The following UBAP1 variants were observed in gnomAD, a reference collection of about 807,000 sequenced individuals.
The protein encoded by UBAP1 is ubiquitin associated protein 1.
In UBAP1, 5 loss-of-function variants were observed where a neutral mutation model predicts 39.0. The observed-to-expected ratio is 0.13, with a 90% CI of 0.07 to 0.27. The LOEUF (loss-of-function observed/expected upper bound fraction) is 0.27, where lower values mean the gene tolerates loss of function less well. Ranked by LOEUF, UBAP1 falls within the 10% of genes least tolerant of loss-of-function variation. The pLI is 1.00. For missense variants in UBAP1, 490 were observed against 608.1 expected (o/e 0.81, Z 2.04); for synonymous variants, 211 against 225.1 (o/e 0.94, Z 0.56).
intron 2 of UBAP1, among the ~76,000 whole-genome samples, chr9:34,228,868 A>G (rs560006342): frequency 6.6e-6 from 1 of 151,882 alleles, no homozygotes; most frequent in South Asian, 2.1e-4. Flanking sequence ...GCTGTGAGCC[A>G]CTGTGCCTGG....
chr9:34,184,824 A>G (rs924756223), intron 1 of UBAP1, among the ~76,000 whole-genome samples: 3 of 150,580 alleles, frequency 2.0e-5, no homozygotes, highest in African/African-American at 7.3e-5. Flanking sequence ...AGGTTTCACC[A>G]TGTTGGCCAG....
At chr9:34,247,312 TTAGGA>T (rs1834227829) in intron 4 of UBAP1, among the ~76,000 whole-genome samples, 1 of 152,212 alleles carries the variant, frequency 6.6e-6, no homozygotes, top group African/African-American at 2.4e-5. Context: ...GTATCATCTG[TTAGGA>T]TAGATGATAC....
intron 2 of UBAP1, among the ~76,000 whole-genome samples, chr9:34,222,125 CA>C (rs999834205): frequency 6.6e-6 from 1 of 151,188 alleles, no homozygotes; most frequent in Non-Finnish European, 1.5e-5. Flanking sequence ...CTGACTCAAA[CA>C]AAAAAAATAC....
intron 1 of UBAP1, among the ~76,000 whole-genome samples, chr9:34,216,691 A>T (rs1300056588): frequency 1.6e-5 from 2 of 127,826 alleles, no homozygotes; most frequent in East Asian, 4.6e-4. Context: ...CTCTTGCCCA[A>T]GCTGGAGTGC....
chr9:34,234,442 C>A, intron 3 of UBAP1, 102 bp downstream of exon 3: 2 of 1,359,824 alleles, frequency 1.5e-6, no homozygotes, highest in South Asian at 1.5e-5. Flanking sequence ...TGAGCTGAAT[C>A]ATGTTTTGGT....
chr9:34,197,553 C>CT (rs892046555), intron 1 of UBAP1, among the ~76,000 whole-genome samples: 2 of 151,116 alleles, frequency 1.3e-5, no homozygotes, highest in African/African-American at 2.4e-5. Context: ...TTCCTTGGTT[C>CT]TTTTTTTTTC....
rs764049992 is a variant in UBAP1, at chr9:34,220,859, A to G, written c.-7-49A>G. On this transcript the variant is annotated intron_variant, in intron 1 of 6. Transcript: ENST00000297661. ...TTTTTGTACTCTCAATTTTCTTCGT[A>G]CTACCTTCAAGGTATAATGTGCCTA... 7 of 1,556,218 alleles carry G rather than the reference A, an allele frequency of 4.5e-6. No homozygotes were observed. In the Admixed American group the frequency reaches 1.0e-4, roughly 23 times the overall value.
intron 2 of UBAP1, chr9:34,224,539 C>T (rs112661254): frequency 6.9e-6 from 3 of 435,244 alleles, no homozygotes; most frequent in African/African-American, 6.2e-5. Flanking sequence ...CAGCTGGGCA[C>T]CCCTGCTCAT....
chr9:34,250,786 C>T, intron 6 of UBAP1, 27 bp downstream of exon 6: 1 of 1,593,448 alleles, frequency 6.3e-7, no homozygotes, highest in Non-Finnish European at 8.6e-7. Flanking sequence ...TTCTTGGGAA[C>T]CCTCTGGAAA....
At chr9:34,211,674 T>C (rs912489293) in intron 1 of UBAP1, among the ~76,000 whole-genome samples, 5 of 152,194 alleles carry the variant, frequency 3.3e-5, no homozygotes, top group African/African-American at 7.2e-5. Context: ...TATTACTTTT[T>C]AAAAATTTCC....
At chr9:34,230,518 T>A (rs1327786320) in intron 2 of UBAP1, among the ~76,000 whole-genome samples, 1 of 152,222 alleles carries the variant, frequency 6.6e-6, no homozygotes, top group Admixed American at 6.5e-5. Context: ...TTGTTTCCAG[T>A]TAATCAGGAT....
In UBAP1 at chr9:34,252,245, AGCACATTGAATG is replaced by A. The variant is rs1480099483; in HGVS notation, c.*715_*726del. ...TTTAAGAAATCATTGGCCCCTTCCC[AGCACATTGAATG>A]GGTAAGCAGACAGGCCATGATTTAG... On this transcript the variant is annotated 3_prime_UTR_variant, in exon 7 of 7. Transcript: ENST00000297661. 2.0e-5 allele frequency: 3 copies of A among 152,604 alleles called. No homozygotes were observed. The highest frequency in any genetic ancestry group is 2.9e-5 in the Non-Finnish European group (2 of 68,056). 9.5% of individuals were successfully genotyped at this position (152,604 alleles called of 1,614,324 possible).
intron 5 of UBAP1, 62 bp from the exon 6 acceptor site, chr9:34,250,596 G>A: frequency 1.5e-6 from 2 of 1,361,714 alleles, no homozygotes; most frequent in Admixed American, 3.7e-5. Flanking sequence ...GTTTGTTGAG[G>A]TCTCTTGGAA....
intron 1 of UBAP1, among the ~76,000 whole-genome samples, chr9:34,201,085 T>C (rs1393292575): frequency 6.6e-6 from 1 of 152,092 alleles, no homozygotes; most frequent in Non-Finnish European, 1.5e-5. Context: ...GCCTAATTTT[T>C]TGTAGTTTTA....
intron 4 of UBAP1, among the ~76,000 whole-genome samples, chr9:34,244,475 T>C (rs569787256): frequency 6.4e-4 from 40 of 62,682 alleles, no homozygotes; most frequent in Admixed American, 4.4e-3. Flanking sequence ...TTTTTTTTTT[T>C]CTTTGGAGAC....
intron 6 of UBAP1, 80 bp downstream of exon 6, chr9:34,250,839 C>T (rs1417685435): frequency 1.6e-6 from 2 of 1,219,678 alleles, no homozygotes; most frequent in Admixed American, 1.8e-5. Flanking sequence ...CCTTGGCCCA[C>T]ACACAACCTT....
At chr9:34,246,073 TTTAA>T in intron 4 of UBAP1, among the ~76,000 whole-genome samples, 1 of 152,276 alleles carries the variant, frequency 6.6e-6, no homozygotes, top group Middle Eastern at 3.4e-3. Context: ...TGAATACAGT[TTTAA>T]TTCTTTATTT....
intron 1 of UBAP1, among the ~76,000 whole-genome samples, chr9:34,208,424 C>G (rs1006549961): frequency 2.0e-5 from 3 of 149,910 alleles, no homozygotes; most frequent in Non-Finnish European, 4.4e-5. Context: ...AGGCAGATCA[C>G]CTGAGGTCAG....
chr9:34,196,725 G>A (rs573097415), intron 1 of UBAP1, among the ~76,000 whole-genome samples: 9 of 152,118 alleles, frequency 5.9e-5, no homozygotes, highest in African/African-American at 2.2e-4. Flanking sequence ...GATTACAAGC[G>A]TGAGCCACCA....
Sources: gnomAD v4.1 joint callset for allele counts (sites outside exome capture counted in the v4.1 genomes callset) on GRCh38, gnomAD v4.1.1 for gene constraint, MANE v1.5 for transcripts, NCBI Gene and HGNC (gene_info 2026-07-23, HGNC 2026-07-21) for gene names.